The following FAM13C variants were observed in gnomAD, a reference collection of about 807,000 sequenced individuals.
FAM13C encodes family with sequence similarity 13 member C.
In FAM13C, 37 loss-of-function variants were observed where a neutral mutation model predicts 73.2. The ratio of observed to expected loss-of-function variants is 0.51; its 90% CI spans 0.39 to 0.67. The LOEUF (loss-of-function observed/expected upper bound fraction) is 0.67. Among genes scored for constraint, FAM13C ranks in the 30% least tolerant of loss-of-function variants. The probability of loss-of-function intolerance (pLI) is 0.00; values close to 1 mark genes in which losing one functional copy is unlikely to be tolerated. For synonymous variants in FAM13C, 246 were observed against 260.9 expected (o/e 0.94, Z 0.55); for missense variants, 589 against 715.6 (o/e 0.82, Z 2.02).
intron 3 of FAM13C, among the ~76,000 whole-genome samples, chr10:59,343,448 C>T (rs1853780714): frequency 6.6e-6 from 1 of 152,136 alleles, no homozygotes; most frequent in Non-Finnish European, 1.5e-5. Flanking sequence ...GGATTATGTG[C>T]TACTTTGAGT....
chr10:59,347,058 C>G (rs985161037), intron 3 of FAM13C, among the ~76,000 whole-genome samples: 7 of 152,052 alleles, frequency 4.6e-5, no homozygotes, highest in Admixed American at 1.3e-4. Context: ...TTATTTAAGG[C>G]ATTCTTTTGC....
intron 4 of FAM13C, 50 bp from the exon 5 acceptor site, chr10:59,302,914 G>C (rs1208054593): frequency 6.4e-7 from 1 of 1,552,372 alleles, no homozygotes; most frequent in Non-Finnish European, 8.8e-7. Context: ...ACGTTTCAGT[G>C]ATGTACATGT....
chr10:59,341,562 G>A (rs969074178), intron 3 of FAM13C, among the ~76,000 whole-genome samples: 8 of 152,110 alleles, frequency 5.3e-5, no homozygotes, highest in African/African-American at 1.9e-4. Flanking sequence ...GGTGGTGCAT[G>A]CCTGTAATCC....
intron 6 of FAM13C, among the ~76,000 whole-genome samples, chr10:59,274,444 T>C (rs536698958): frequency 2.0e-5 from 3 of 152,186 alleles, no homozygotes; most frequent in Admixed American, 1.3e-4. Context: ...GGACTCTGCA[T>C]TGGGGAGACT....
Position 59,362,528 on chromosome 10 carries a change from T to C in FAM13C, c.-68A>G, listed in dbSNP as rs1482444234. Reference sequence around the variant, plus strand: ...GGGAGTTAGAGCACATACACAAACATGGCATTGCAAGGCAAGTCTCCGGGC... The same window carrying C: ...GGGAGTTAGAGCACATACACAAACACGGCATTGCAAGGCAAGTCTCCGGGC... On this transcript the variant is annotated 5_prime_UTR_variant, in exon 1 of 14. The change abolishes an upstream ATG in the 5' untranslated region. Transcript: ENST00000618804. The C allele has an allele frequency of 6.3e-7, 1 of 1,588,060 alleles. No homozygotes were observed. The highest frequency in any genetic ancestry group is 8.6e-7 in the Non-Finnish European group (1 of 1,166,004).
At chr10:59,272,705 C>T (rs1219013164) in intron 6 of FAM13C, among the ~76,000 whole-genome samples, 2 of 152,122 alleles carry the variant, frequency 1.3e-5, no homozygotes, top group East Asian at 3.9e-4. Context: ...GCCAGTTTCC[C>T]CACCTCTCTT....
At chr10:59,273,468 A>C (rs1384522585) in intron 6 of FAM13C, among the ~76,000 whole-genome samples, 1 of 152,160 alleles carries the variant, frequency 6.6e-6, no homozygotes, top group Non-Finnish European at 1.5e-5. Flanking sequence ...CACTACTCTG[A>C]GTCCCTATTT....
chr10:59,349,631 C>T (rs1309391789), intron 3 of FAM13C, among the ~76,000 whole-genome samples: 17 of 151,366 alleles, frequency 1.1e-4, no homozygotes, highest in Non-Finnish European at 5.9e-5. Context: ...GGCGTGGTGG[C>T]ACATGCCCGT....
intron 10 of FAM13C, among the ~76,000 whole-genome samples, chr10:59,256,388 T>G (rs553922250): frequency 1.9e-4 from 29 of 152,186 alleles, no homozygotes; most frequent in African/African-American, 6.5e-4. Context: ...AAAGCTAAAT[T>G]TAATTCTAAA....
chr10:59,315,408 T>C (rs1849406115), intron 4 of FAM13C, among the ~76,000 whole-genome samples: 1 of 152,188 alleles, frequency 6.6e-6, no homozygotes, highest in African/African-American at 2.4e-5. Flanking sequence ...ACATAAAACA[T>C]GGTTTTAGAT....
At chr10:59,335,249 T>C (rs747751056) in intron 3 of FAM13C, among the ~76,000 whole-genome samples, 2 of 152,192 alleles carry the variant, frequency 1.3e-5, no homozygotes, top group Non-Finnish European at 2.9e-5. Context: ...TTCTATGCAA[T>C]AAGATCAGAC....
At chr10:59,331,290 TG>T (rs1211291168) in intron 3 of FAM13C, among the ~76,000 whole-genome samples, 3 of 152,208 alleles carry the variant, frequency 2.0e-5, no homozygotes, top group African/African-American at 7.2e-5. Flanking sequence ...GAAGTATCAC[TG>T]AAGTGGCCTA....
intron 3 of FAM13C, among the ~76,000 whole-genome samples, chr10:59,346,162 C>G (rs534323480): frequency 6.6e-6 from 1 of 151,794 alleles, no homozygotes; most frequent in African/African-American, 2.4e-5. Flanking sequence ...ATATAAAGTA[C>G]GTCCATAATT....
At chr10:59,293,235 AG>A (rs1846495558) in intron 5 of FAM13C, among the ~76,000 whole-genome samples, 1 of 138,334 alleles carries the variant, frequency 7.2e-6, no homozygotes, top group Non-Finnish European at 1.6e-5. Context: ...CACCATGCCC[AG>A]CTAATTTTTT....
chr10:59,345,897 G>T (rs1039935824), intron 3 of FAM13C, among the ~76,000 whole-genome samples: 2 of 152,128 alleles, frequency 1.3e-5, no homozygotes, highest in African/African-American at 4.8e-5. Context: ...ATGAACTAAG[G>T]TGTCAAAACA....
chr10:59,353,070 G>A (rs1044295928), intron 2 of FAM13C, among the ~76,000 whole-genome samples: 1 of 152,166 alleles, frequency 6.6e-6, no homozygotes, highest in Non-Finnish European at 1.5e-5. Context: ...TACTCAACCA[G>A]GCCCTCTGAA....
chr10:59,344,996 T>C (rs1854108804), intron 3 of FAM13C, among the ~76,000 whole-genome samples: 1 of 152,202 alleles, frequency 6.6e-6, no homozygotes, highest in South Asian at 2.1e-4. Flanking sequence ...GGCCATATAA[T>C]GTTAGAAACT....
chr10:59,309,955 C>A (rs2133922591), intron 4 of FAM13C, among the ~76,000 whole-genome samples: 1 of 152,324 alleles, frequency 6.6e-6, no homozygotes, highest in East Asian at 1.9e-4. Context: ...CCACCTATAG[C>A]ATGCTAGCAG....
Position 59,362,439 on chromosome 10 carries a change from T to G in FAM13C, c.22A>C (p.Ser8Arg). ...CTGCTGAAGGAATTATCCTGAAGGC[T>G]GAAACAGAAACAAGAAAACATCAGC... MFSCFCF[S>R]LQDNSFSSTT... The change falls in exon 1 of 14, where the codon AGC becomes CGC. Residue 8 changes from serine (S) to arginine (R), a missense_variant. Ser to Arg is a moderately radical substitution (Grantham distance 110, BLOSUM62 -1). Transcript: ENST00000618804. 1 of 1,613,966 alleles carries G rather than the reference T, an allele frequency of 6.2e-7. No homozygotes were observed. The highest frequency in any genetic ancestry group is 1.6e-4 in the Middle Eastern group (1 of 6,062).
Sources: gnomAD v4.1 joint callset for allele counts (sites outside exome capture counted in the v4.1 genomes callset) on GRCh38, gnomAD v4.1.1 for gene constraint, MANE v1.5 for transcripts, NCBI Gene and HGNC (gene_info 2026-07-23, HGNC 2026-07-21) for gene names.